The following LDAH variants were observed in gnomAD, a reference collection of about 807,000 sequenced individuals.
The protein encoded by LDAH is lipid droplet-associated hydrolase.
In LDAH, 26 loss-of-function variants were observed where a neutral mutation model predicts 29.6. The ratio of observed to expected loss-of-function variants is 0.88; its 90% confidence interval spans 0.64 to 1.22. The LOEUF (loss-of-function observed/expected upper bound fraction) is 1.22, where lower values mean the gene tolerates loss of function less well. Ranked by LOEUF, LDAH falls within the 50% of genes most tolerant of loss-of-function variation. The pLI is 0.00. For synonymous variants in LDAH, 117 were observed against 133.0 expected, an observed-to-expected ratio of 0.88 and a Z score of 0.83; for missense variants, 344 against 387.3, an observed-to-expected ratio of 0.89 and a Z score of 0.94.
intron 5 of LDAH, among the ~76,000 whole-genome samples, chr2:20,739,580 C>A (rs1667029382): frequency 6.6e-6 from 1 of 152,080 alleles, no homozygotes; most frequent in Non-Finnish European, 1.5e-5. Flanking sequence ...ATAAAAACAA[C>A]CTGTTAACTC....
chr2:20,737,944 G>A lies in LDAH; in HGVS notation c.703+2027C>T, dbSNP rs1666906146. 3.9e-5 allele frequency among the ~76,000 whole-genome samples: 6 copies of A among 152,006 alleles called. No individual in the cohort carries two copies. The South Asian group carries it at 1.2e-3, about 32-fold the overall frequency. ...GGAGAACAAAGGCATTCCTAATTTT[G>A]CTTTTAAGATAAAAATATCGATTCT... On this transcript the variant is annotated intron_variant, in intron 5 of 6. Coordinates refer to ENST00000237822, the MANE Select transcript of LDAH (RefSeq NM_021925.4).
At chr2:20,707,784 C>G (rs1365760613) in intron 5 of LDAH, among the ~76,000 whole-genome samples, 1 of 152,200 alleles carries the variant, frequency 6.6e-6, no homozygotes, top group African/African-American at 2.4e-5. Context: ...TAGAGCAGCA[C>G]CAGTACTGTG....
At chr2:20,812,788 G>A (rs1672585838) in intron 1 of LDAH, among the ~76,000 whole-genome samples, 3 of 152,202 alleles carry the variant, frequency 2.0e-5, no homozygotes, top group African/African-American at 4.8e-5. Flanking sequence ...ATTAACAAAT[G>A]TCCAAGAGCG....
At chr2:20,719,224 GTT>G (rs61437825) in intron 5 of LDAH, among the ~76,000 whole-genome samples, 4 of 130,512 alleles carry the variant, frequency 3.1e-5, no homozygotes, top group Admixed American at 7.7e-5. Flanking sequence ...AAATGAAAAA[GTT>G]TTTTTTTTTT....
intron 1 of LDAH, among the ~76,000 whole-genome samples, chr2:20,811,126 T>G (rs1468384407): frequency 1.3e-5 from 2 of 151,148 alleles, no homozygotes; most frequent in African/African-American, 2.4e-5. Flanking sequence ...CACGCCATTC[T>G]CCTGCCTCAG....
At chr2:20,744,631 T>G (rs1667444631) in intron 4 of LDAH, among the ~76,000 whole-genome samples, 1 of 152,164 alleles carries the variant, frequency 6.6e-6, no homozygotes, top group South Asian at 2.1e-4. Flanking sequence ...CAGACCTTGT[T>G]AAGAAGAGCA....
At chr2:20,797,663 C>T (rs1242095126) in intron 2 of LDAH, among the ~76,000 whole-genome samples, 1 of 152,086 alleles carries the variant, frequency 6.6e-6, no homozygotes, top group Non-Finnish European at 1.5e-5. Context: ...TGTTTTTTGT[C>T]TTCCTCTTAA....
chr2:20,751,001 C>T (rs965171290), intron 4 of LDAH, among the ~76,000 whole-genome samples: 1 of 152,140 alleles, frequency 6.6e-6, no homozygotes, highest in Non-Finnish European at 1.5e-5. Context: ...ACACTATGGA[C>T]CACTTGAGGA....
At chr2:20,821,038 G>C (rs1202260487) in intron 1 of LDAH, among the ~76,000 whole-genome samples, 2 of 152,032 alleles carry the variant, frequency 1.3e-5, no homozygotes, top group East Asian at 3.9e-4. Context: ...CTGGCCATCA[G>C]AGAAATGCAA....
At chr2:20,733,469 G>A (rs1451995571) in intron 5 of LDAH, among the ~76,000 whole-genome samples, 1 of 147,266 alleles carries the variant, frequency 6.8e-6, no homozygotes, top group South Asian at 2.1e-4. Context: ...TCACGATCTC[G>A]GCTCACTGCA....
At chr2:20,688,904 T>C (rs542420577) in intron 6 of LDAH, among the ~76,000 whole-genome samples, 3 of 148,496 alleles carry the variant, frequency 2.0e-5, no homozygotes, top group Admixed American at 6.8e-5. Flanking sequence ...GTTTGTTACA[T>C]AGGTATACAC....
At chr2:20,753,751 C>T (rs1668120793) in intron 4 of LDAH, among the ~76,000 whole-genome samples, 1 of 152,200 alleles carries the variant, frequency 6.6e-6, no homozygotes, top group Admixed American at 6.5e-5. Context: ...CCCTTGTACC[C>T]TAGATAGCCA....
At chr2:20,700,186 T>C (rs554184503) in intron 6 of LDAH, among the ~76,000 whole-genome samples, 8 of 152,260 alleles carry the variant, frequency 5.3e-5, no homozygotes, top group Non-Finnish European at 1.2e-4. Flanking sequence ...GCTCAGTGAC[T>C]GGAAGTAGCT....
intron 4 of LDAH, among the ~76,000 whole-genome samples, chr2:20,771,415 T>A (rs1197967784): frequency 1.3e-5 from 2 of 152,246 alleles, no homozygotes; most frequent in African/African-American, 2.4e-5. Flanking sequence ...TCATATGTTA[T>A]AAAACATAAT....
chr2:20,768,006 A>C (rs1669156916), intron 4 of LDAH, among the ~76,000 whole-genome samples: 1 of 151,902 alleles, frequency 6.6e-6, no homozygotes, highest in Non-Finnish European at 1.5e-5. Flanking sequence ...GGAGCTGAAC[A>C]CTCACTGGGA....
intron 5 of LDAH, among the ~76,000 whole-genome samples, chr2:20,723,337 AG>A (rs1004174433): frequency 2.0e-5 from 3 of 152,170 alleles, no homozygotes; most frequent in African/African-American, 7.2e-5. Flanking sequence ...CAGAAGCATA[AG>A]GGGGTCTTCT....
Position 20,686,932 on chromosome 2 carries a change from A to G in LDAH, c.949T>C (p.Ser317Pro). The stretch of plus-strand genomic sequence containing the variant: ...ATTTTGGACAAGTCATCCTTTAGGG[A>G]GTCAGCAATCATGTCTGCCATTTCC... ...NQEMADMIAD[S>P]LKDDLSKM Residue 317 changes from serine to proline, a missense_variant, in exon 7 of 7, where the codon TCC (serine) becomes CCC (proline). Coordinates refer to ENST00000237822, the MANE Select transcript of LDAH (RefSeq NM_021925.4). 1 of 1,613,906 alleles carries G rather than the reference A, an allele frequency of 6.2e-7. No homozygotes were observed. Among genetic ancestry groups the G allele is most frequent in the Non-Finnish European group, 8.5e-7 (1 of 1,179,886 alleles).
chr2:20,782,457 T>C (rs1409425154), intron 3 of LDAH, among the ~76,000 whole-genome samples: 4 of 152,232 alleles, frequency 2.6e-5, no homozygotes, highest in African/African-American at 4.8e-5. Context: ...AATTTTTGCA[T>C]GTATGTCCCT....
chr2:20,710,322 A>G (rs1276360545), intron 5 of LDAH, among the ~76,000 whole-genome samples: 1 of 152,116 alleles, frequency 6.6e-6, no homozygotes, highest in Non-Finnish European at 1.5e-5. Context: ...TCATGAATGT[A>G]GACACCTTGG....
Sources: gnomAD v4.1 joint callset for allele counts (sites outside exome capture counted in the v4.1 genomes callset) on GRCh38, gnomAD v4.1.1 for gene constraint, MANE v1.5 for transcripts, NCBI Gene and HGNC (gene_info 2026-07-23, HGNC 2026-07-21) for gene names.